MTMR3: variants seen among roughly 807,000 people sequenced by gnomAD.
The protein encoded by MTMR3 is phosphatidylinositol-3,5-bisphosphate 3-phosphatase MTMR3.
In MTMR3, 32 loss-of-function variants were observed where a neutral mutation model predicts 132.4. That is an observed-to-expected ratio of 0.24 (90% CI 0.18 to 0.32). MTMR3 has a LOEUF of 0.32. MTMR3 is among the 10% of genes least tolerant of loss of function. The probability of loss-of-function intolerance (pLI) is 1.00; values close to 1 mark genes in which losing one functional copy is unlikely to be tolerated. For synonymous variants in MTMR3, 556 were observed against 550.3 expected (o/e 1.01, Z -0.14); for missense variants, 1,216 against 1,489.6 (o/e 0.82, Z 3.02).
Position 30,028,910 on chromosome 22 carries a change from C to G in MTMR3, c.*3109C>G, listed in dbSNP as rs565597421. ...GTGTATTCATATGAAGTTGTGAAAA[C>G]CATGAGTGTGTGCCATGGCCATCGT... On this transcript the variant is annotated 3_prime_UTR_variant, in exon 20 of 20. Transcript: ENST00000401950. 6.6e-6 allele frequency: 1 copy of G among 152,332 alleles called. No individual in the cohort carries two copies. The highest frequency in any genetic ancestry group is 1.5e-5 in the Non-Finnish European group (1 of 68,034). The allele number at this position is 152,332 out of a possible 1,614,324, so 9.4% of individuals were successfully genotyped here. A position where few individuals can be genotyped will look rare whatever the true frequency, so the allele number is the denominator to read the frequency against.
chr22:29,933,253 GTT>G (rs1252420006), intron 1 of MTMR3, among the ~76,000 whole-genome samples: 4 of 151,590 alleles, frequency 2.6e-5, no homozygotes, highest in Admixed American at 6.6e-5. Context: ...CAGGTGGAGA[GTT>G]TATTTCTTGA....
intron 19 of MTMR3, chr22:30,023,514 T>C (rs761132255): frequency 1.2e-6 from 2 of 1,612,890 alleles, no homozygotes; most frequent in Non-Finnish European, 1.7e-6. Context: ...GCCTGTGATG[T>C]CTGCACATCT....
intron 1 of MTMR3, among the ~76,000 whole-genome samples, chr22:29,894,047 G>C (rs1184986276): frequency 2.6e-5 from 4 of 152,122 alleles, no homozygotes; most frequent in Non-Finnish European, 5.9e-5. Context: ...ATTTCGCCAT[G>C]TTGGCCAGGC....
chr22:29,903,579 C>T (rs543673320), intron 1 of MTMR3, among the ~76,000 whole-genome samples: 23 of 151,426 alleles, frequency 1.5e-4, no homozygotes, highest in African/African-American at 4.4e-4. Flanking sequence ...TTTGCATGTA[C>T]GTAGAGATGG....
intron 1 of MTMR3, among the ~76,000 whole-genome samples, chr22:29,906,654 C>A (rs1002057324): frequency 1.3e-5 from 2 of 152,106 alleles, no homozygotes; most frequent in African/African-American, 4.8e-5. Flanking sequence ...TTTTTATACC[C>A]CGAAAGCATT....
chr22:29,943,923 A>G (rs897486633), intron 1 of MTMR3, among the ~76,000 whole-genome samples: 4 of 151,766 alleles, frequency 2.6e-5, no homozygotes, highest in African/African-American at 9.7e-5. Context: ...TCCTGGGCTT[A>G]CGCCATTCTC....
intron 1 of MTMR3, among the ~76,000 whole-genome samples, chr22:29,883,859 C>T (rs888161120): frequency 1.3e-5 from 2 of 152,130 alleles, no homozygotes; most frequent in African/African-American, 4.8e-5. Context: ...GGAGGAGTGA[C>T]CGCCCGATCG....
intron 1 of MTMR3, among the ~76,000 whole-genome samples, chr22:29,933,924 C>G (rs2065695996): frequency 6.6e-6 from 1 of 152,050 alleles, no homozygotes; most frequent in African/African-American, 2.4e-5. Context: ...AGATGATGCA[C>G]TTGTGGTTGT....
intron 5 of MTMR3, chr22:29,981,945 C>T (rs1388597789): frequency 6.6e-6 from 1 of 151,832 alleles, no homozygotes; most frequent in African/African-American, 2.4e-5. Flanking sequence ...CGCGGTGGCT[C>T]ACGCCTGTAA....
At chr22:29,965,980 T>C (rs2066407703) in intron 2 of MTMR3, among the ~76,000 whole-genome samples, 4 of 152,168 alleles carry the variant, frequency 2.6e-5, no homozygotes, top group African/African-American at 9.7e-5. Flanking sequence ...CTTCAATAAC[T>C]GGAGGTTTTG....
intron 1 of MTMR3, among the ~76,000 whole-genome samples, chr22:29,954,149 A>G (rs1408333804): frequency 6.9e-6 from 1 of 144,154 alleles, no homozygotes; most frequent in African/African-American, 2.6e-5. Flanking sequence ...CATTGTAATC[A>G]TAGCTCGCTG....
rs892383539 is a variant in MTMR3 at position 29,962,910 on chromosome 22, C to CTT, written c.-85+5837_-85+5838dup. Among the ~76,000 whole-genome samples the CTT allele has an allele frequency of 1.9e-3, 260 of 133,572 alleles. 1 individual carries two copies. Among genetic ancestry groups the CTT allele is most frequent in the African/African-American group, 3.2e-3 (116 of 35,730 alleles). 87.6% of individuals were successfully genotyped at this position (133,572 alleles called of 152,430 possible). On this transcript the variant is annotated intron_variant, in intron 2 of 19. Transcript: ENST00000401950. ...TACTTCATTCCTTTCTCTCTTTTTT[C>CTT]TTTTTTTTTTTTTTTTGAGACAGGG...
intron 1 of MTMR3, among the ~76,000 whole-genome samples, chr22:29,953,006 G>A (rs746903861): frequency 3.9e-5 from 6 of 152,010 alleles, no homozygotes; most frequent in Non-Finnish European, 8.8e-5. Flanking sequence ...TGCACCTCTT[G>A]AATTTTTAAA....
chr22:29,899,927 T>A (rs1352750330), intron 1 of MTMR3, among the ~76,000 whole-genome samples: 1 of 152,176 alleles, frequency 6.6e-6, no homozygotes, highest in Non-Finnish European at 1.5e-5. Context: ...TTAAAAACTT[T>A]TGCCTCGCAA....
At chr22:30,022,550 G>C in intron 18 of MTMR3, 59 bp from the exon 19 acceptor site, 1 of 1,473,566 alleles carries the variant, frequency 6.8e-7, no homozygotes, top group African/African-American at 1.4e-5. Context: ...GCATGGCTCT[G>C]CTGGCTCCAG....
At chr22:29,988,745 TG>T (rs895876778) in intron 6 of MTMR3, 183 bp downstream of exon 6, 55 of 366,854 alleles carry the variant, frequency 1.5e-4, no homozygotes, top group African/African-American at 8.3e-4. Context: ...TGTTGAAAGA[TG>T]TTTTTTTTTT....
At chr22:29,904,422 C>T (rs2051858) in intron 1 of MTMR3, among the ~76,000 whole-genome samples, 5,631 of 152,256 alleles carry the variant, frequency 0.037, 371 homozygotes, top group African/African-American at 0.13. Context: ...TTTTGCAGTT[C>T]ACTGTCGTGA....
At chr22:29,920,303 T>G (rs1569004531) in intron 1 of MTMR3, among the ~76,000 whole-genome samples, 1 of 151,884 alleles carries the variant, frequency 6.6e-6, no homozygotes, top group East Asian at 1.9e-4. Context: ...CCTTATTAGC[T>G]AAAAAAAATT....
At chr22:29,969,242 A>G (rs749724702) in intron 2 of MTMR3, among the ~76,000 whole-genome samples, 28 of 152,308 alleles carry the variant, frequency 1.8e-4, no homozygotes, top group Non-Finnish European at 2.9e-4. Flanking sequence ...TTTTCTTACA[A>G]TGCTCTTCAT....
Sources: allele counts gnomAD v4.1 joint callset (sites outside exome capture counted in the v4.1 genomes callset), GRCh38; gene constraint gnomAD v4.1.1; transcripts MANE v1.5; gene names NCBI Gene and HGNC (gene_info 2026-07-23, HGNC 2026-07-21).